DIP2A: variants seen among roughly 807,000 people sequenced by gnomAD.
DIP2A encodes the protein disco-interacting protein 2 homolog A.
DIP2A carries 85 observed loss-of-function variants against 177.4 expected under a neutral mutation model. The observed-to-expected ratio is 0.48, with a 90% CI of 0.40 to 0.57. DIP2A has a LOEUF of 0.57. Among genes scored for constraint, DIP2A ranks in the 20% least tolerant of loss-of-function variants. The pLI is 0.00. For synonymous variants in DIP2A, 886 were observed against 881.8 expected (o/e 1.00, Z -0.08); for missense variants, 1,791 against 2,100.2 (o/e 0.85, Z 2.88).
At chr21:46,559,714 T>C (rs1460541934) in intron 32 of DIP2A, among the ~76,000 whole-genome samples, 1 of 152,226 alleles carries the variant, frequency 6.6e-6, no homozygotes, top group Admixed American at 6.5e-5. Context: ...CTCTTTAAGA[T>C]ACAGAGGTGG....
chr21:46,495,330 G>A (rs571811701), intron 3 of DIP2A, among the ~76,000 whole-genome samples: 15 of 149,162 alleles, frequency 1.0e-4, no homozygotes, highest in South Asian at 8.7e-4. Flanking sequence ...GTGCAATGGC[G>A]TGATCTCGGC....
At chr21:46,464,070 T>G (rs1487268591) in intron 1 of DIP2A, among the ~76,000 whole-genome samples, 1 of 152,004 alleles carries the variant, frequency 6.6e-6, no homozygotes. Flanking sequence ...ACATTTGTTG[T>G]GCTTCTTGAA....
intron 32 of DIP2A, among the ~76,000 whole-genome samples, chr21:46,560,098 T>C (rs1259311082): frequency 1.3e-5 from 2 of 152,256 alleles, no homozygotes; most frequent in Non-Finnish European, 2.9e-5. Context: ...CTGTGTTTAG[T>C]TCCAGTGCAG....
chr21:46,484,792 G>C lies in DIP2A; in HGVS notation c.127G>C (p.Ala43Pro), dbSNP rs1276967667. The C allele has an allele frequency of 6.3e-7, 1 of 1,584,622 alleles. No individual in the cohort carries two copies. Among genetic ancestry groups the C allele is most frequent in the Non-Finnish European group, 8.6e-7 (1 of 1,164,994 alleles). ...TCAAAAAGGATATGAAAAGAAAAGG[G>C]CAAAGCTGCTTGCACGTTATATACC... ...ITQKGYEKKRAKLLARYIPLI... is the reference protein window; with the variant it reads ...ITQKGYEKKRPKLLARYIPLI... Residue 43 changes from alanine to proline, a missense_variant, in exon 2 of 38, where the codon GCA becomes CCA. Coordinates refer to ENST00000417564, the MANE Select transcript of DIP2A (RefSeq NM_015151.4).
chr21:46,574,313 C>T (rs1279705874), downstream of DIP2A, among the ~76,000 whole-genome samples: 1 of 152,060 alleles, frequency 6.6e-6, no homozygotes, highest in East Asian at 1.9e-4. Context: ...TGTACCAAAA[C>T]TTATGGGACC....
chr21:46,528,600 C>T (rs1263513601), intron 8 of DIP2A, among the ~76,000 whole-genome samples: 1 of 130,524 alleles, frequency 7.7e-6, no homozygotes, highest in African/African-American at 2.9e-5. Context: ...GGCTGGCTCT[C>T]ACTGCAACCT....
intron 36 of DIP2A, 49 bp from the exon 37 acceptor site, chr21:46,566,511 T>A: frequency 6.2e-7 from 1 of 1,612,320 alleles, no homozygotes; most frequent in Non-Finnish European, 8.5e-7. Flanking sequence ...ATGTCCAGAC[T>A]CTGCATGCCT....
chr21:46,576,223 C>G, the DIP2A span, among the ~76,000 whole-genome samples: 2 of 152,164 alleles, frequency 1.3e-5, no homozygotes, highest in Non-Finnish European at 2.9e-5. Flanking sequence ...ACCTATCAAC[C>G]AATCACCTAA....
chr21:46,470,332 G>A (rs1272243206), intron 1 of DIP2A, among the ~76,000 whole-genome samples: 3 of 152,190 alleles, frequency 2.0e-5, no homozygotes, highest in African/African-American at 7.2e-5. Flanking sequence ...ATATTAGCCA[G>A]GCGTGGTGGC....
chr21:46,578,276 C>A, the DIP2A span, among the ~76,000 whole-genome samples: 4 of 152,158 alleles, frequency 2.6e-5, no homozygotes, highest in African/African-American at 9.7e-5. Context: ...TGTGCCACTG[C>A]ACTCCAGCCT....
intron 9 of DIP2A, among the ~76,000 whole-genome samples, chr21:46,530,189 A>G (rs1229619361): frequency 6.6e-6 from 1 of 152,190 alleles, no homozygotes; most frequent in Non-Finnish European, 1.5e-5. Flanking sequence ...ATAGGAGAAC[A>G]TGGTGAAAAT....
intron 16 of DIP2A, 38 bp downstream of exon 16, chr21:46,538,640 G>T: frequency 5.2e-6 from 8 of 1,541,096 alleles, no homozygotes; most frequent in Non-Finnish European, 5.2e-6. Flanking sequence ...ACCCCACACA[G>T]TGTCCCCTCC....
rs2060215888 is a variant in DIP2A at position 46,550,056 on chromosome 21, G to T, written c.2637+171G>T. The T allele has an allele frequency of 2.1e-6, 3 of 1,405,094 alleles. No homozygotes were observed. In the South Asian group the frequency reaches 4.5e-5, roughly 21 times the overall value. The allele number at this position is 1,405,094 out of a possible 1,614,324, so 87.0% of individuals were successfully genotyped here. A position where few individuals can be genotyped will look rare whatever the true frequency, so the allele number is the denominator to read the frequency against. ...AAATTACAGCTGTATGTATTTACGG[G>T]ATACAAAGTGATGTTATAATTTATG... On this transcript the variant is annotated intron_variant, in intron 22 of 37. Coordinates refer to ENST00000417564, the MANE Select transcript of DIP2A (RefSeq NM_015151.4).
At chr21:46,470,644 G>A (rs746289054) in intron 1 of DIP2A, among the ~76,000 whole-genome samples, 2 of 152,064 alleles carry the variant, frequency 1.3e-5, no homozygotes, top group African/African-American at 2.4e-5. Flanking sequence ...GGTGGCGCAT[G>A]CCTGTAATCC....
At chr21:46,476,604 A>G (rs546015789) in intron 1 of DIP2A, among the ~76,000 whole-genome samples, 2 of 152,160 alleles carry the variant, frequency 1.3e-5, no homozygotes, top group South Asian at 2.1e-4. Flanking sequence ...AGGGTGTTCA[A>G]GGCAGATTTG....
At chr21:46,466,226 C>T (rs1663991487) in intron 1 of DIP2A, among the ~76,000 whole-genome samples, 1 of 151,896 alleles carries the variant, frequency 6.6e-6, no homozygotes, top group Admixed American at 6.6e-5. Context: ...CACCATTGCA[C>T]CACGTTACAA....
chr21:46,533,402 C>T, intron 10 of DIP2A, 122 bp from the exon 11 acceptor site: 1 of 1,203,402 alleles, frequency 8.3e-7, no homozygotes, highest in Non-Finnish European at 1.1e-6. Flanking sequence ...CTGAATTATT[C>T]TGGAAGTTTT....
At chr21:46,560,851 C>A (rs943388768) in intron 33 of DIP2A, 68 bp downstream of exon 33, 48 of 1,550,438 alleles carry the variant, frequency 3.1e-5, no homozygotes, top group Non-Finnish European at 4.0e-5. Flanking sequence ...CAGGTCTGCA[C>A]TGACTATGCA....
At chr21:46,578,767 T>G in the DIP2A span, among the ~76,000 whole-genome samples, 1 of 152,226 alleles carries the variant, frequency 6.6e-6, no homozygotes, top group Non-Finnish European at 1.5e-5. Context: ...TTTATTGATT[T>G]GCATATGTTG....
Sources: allele counts gnomAD v4.1 joint callset (sites outside exome capture counted in the v4.1 genomes callset), GRCh38; gene constraint gnomAD v4.1.1; transcripts MANE v1.5; gene names NCBI Gene and HGNC (gene_info 2026-07-23, HGNC 2026-07-21).